Variants in STAG1 observed in about 807,000 individuals in gnomAD.
STAG1 encodes the protein cohesin subunit SA-1.
A neutral mutation model predicts 170.9 loss-of-function variants in STAG1; 26 were observed. The ratio of observed to expected loss-of-function variants is 0.15; its 90% confidence interval spans 0.11 to 0.21. The LOEUF is 0.21. STAG1 is among the 10% of genes least tolerant of loss of function. The probability of loss-of-function intolerance (pLI) is 1.00; values close to 1 mark genes in which losing one functional copy is unlikely to be tolerated. For missense variants in STAG1, 964 were observed against 1,509.5 expected (o/e 0.64, Z 5.99); for synonymous variants, 514 against 497.7 (o/e 1.03, Z -0.44).
chr3:136,475,451 G>C (rs2089725925), intron 10 of STAG1, among the ~76,000 whole-genome samples: 1 of 152,046 alleles, frequency 6.6e-6, no homozygotes, highest in Non-Finnish European at 1.5e-5. Flanking sequence ...CCAGCCAACA[G>C]GTTACTCTTG....
At position 136,384,408 on chromosome 3, in the gene STAG1, C is replaced by T. The variant is rs544651856; in HGVS notation, c.2278-6656G>A. Among the ~76,000 whole-genome samples, 4 of 151,240 alleles carry T rather than the reference C, an allele frequency of 2.6e-5. No homozygotes were observed. The East Asian group carries it at 7.8e-4, about 29-fold the overall frequency. On this transcript the variant is annotated intron_variant, in intron 22 of 33. Coordinates refer to ENST00000383202, the MANE Select transcript of STAG1 (RefSeq NM_005862.3). ...TAGGTTACAGAGAGCAAAGACTGCA[C>T]CATTGCACTCCAGCCTCGGCAACAG...
chr3:136,377,584 A>G, intron 23 of STAG1, 76 bp downstream of exon 23: 1 of 1,277,258 alleles, frequency 7.8e-7, no homozygotes. Context: ...AACTGCCATA[A>G]AAAATTGTAT....
At chr3:136,625,978 G>C (rs553529377) in intron 2 of STAG1, among the ~76,000 whole-genome samples, 2 of 150,394 alleles carry the variant, frequency 1.3e-5, no homozygotes, top group Non-Finnish European at 3.0e-5. Context: ...GCTTGAACCC[G>C]GGAGATGGAC....
chr3:136,578,990 A>C (rs1190628109), intron 4 of STAG1, among the ~76,000 whole-genome samples: 1 of 152,246 alleles, frequency 6.6e-6, no homozygotes, highest in Non-Finnish European at 1.5e-5. Flanking sequence ...TAAACACTAC[A>C]TCCCTGGGAA....
At chr3:136,683,451 C>T (rs7637129) in intron 1 of STAG1, among the ~76,000 whole-genome samples, 99,568 of 151,864 alleles carry the variant, frequency 0.66, 34,942 homozygotes, top group African/African-American at 0.9. Flanking sequence ...TTTTGTAGAG[C>T]TGGGGTTTTG....
At chr3:136,695,133 AT>A (rs1251827948) in intron 1 of STAG1, among the ~76,000 whole-genome samples, 1 of 152,170 alleles carries the variant, frequency 6.6e-6, no homozygotes, top group African/African-American at 2.4e-5. Flanking sequence ...AGGAAAACAA[AT>A]TTAGGAAGGT....
At chr3:136,586,812 G>T (rs1937853704) in intron 4 of STAG1, 1 of 456,260 alleles carries the variant, frequency 2.2e-6, no homozygotes, top group Admixed American at 2.4e-5. Flanking sequence ...CTGAGTATGT[G>T]GTAAGTTCCC....
chr3:136,732,125 CAGTT>C (rs979821765), intron 1 of STAG1, among the ~76,000 whole-genome samples: 1 of 151,466 alleles, frequency 6.6e-6, no homozygotes, highest in South Asian at 2.1e-4. Flanking sequence ...CAAAGACACA[CAGTT>C]AGTGGCAGAG....
At position 136,498,255 on chromosome 3, in the gene STAG1, C is replaced by CACATACATATACAT. The variant is rs1413848905; in HGVS notation, c.902+1967_902+1968insATGTATATGTATGT. Among the ~76,000 whole-genome samples, 13 of 78,400 alleles carry CACATACATATACAT rather than the reference C, an allele frequency of 1.7e-4. 3 individuals carry two copies. In the East Asian group the frequency reaches 6.9e-3, roughly 42 times the overall value. 51.4% of individuals were successfully genotyped at this position (78,400 alleles called of 152,430 possible). ...ATATACACATACATATACATACACA[C>CACATACATATACAT]ACACACACACACACACACCACACAC... is the stretch of plus-strand genomic sequence containing the variant. On this transcript the variant is annotated intron_variant, in intron 9 of 33. Transcript: ENST00000383202.
At chr3:136,371,771 G>C (rs1229190267) in intron 23 of STAG1, among the ~76,000 whole-genome samples, 1 of 152,154 alleles carries the variant, frequency 6.6e-6, no homozygotes, top group East Asian at 1.9e-4. Context: ...TTGTAGTATA[G>C]TTTGAAGTCA....
chr3:136,654,989 T>G (rs1941329020), intron 1 of STAG1, among the ~76,000 whole-genome samples: 1 of 152,124 alleles, frequency 6.6e-6, no homozygotes, highest in Admixed American at 6.6e-5. Context: ...AAAAGTTAAC[T>G]CAAATGGATC....
intron 1 of STAG1, among the ~76,000 whole-genome samples, chr3:136,698,398 C>T (rs1050581274): frequency 1.3e-5 from 2 of 152,170 alleles, no homozygotes; most frequent in Non-Finnish European, 2.9e-5. Context: ...AAATGCTCAA[C>T]ATCACTAATC....
intron 1 of STAG1, among the ~76,000 whole-genome samples, chr3:136,664,031 A>G (rs1341964329): frequency 6.6e-6 from 1 of 152,184 alleles, no homozygotes; most frequent in Non-Finnish European, 1.5e-5. Flanking sequence ...CAAATGACTT[A>G]GCCAACTAGG....
At chr3:136,633,052 G>A (rs925306204) in intron 1 of STAG1, among the ~76,000 whole-genome samples, 1 of 152,046 alleles carries the variant, frequency 6.6e-6, no homozygotes, top group Non-Finnish European at 1.5e-5. Flanking sequence ...GATGACTATA[G>A]ATTTTAACAG....
intron 1 of STAG1, among the ~76,000 whole-genome samples, chr3:136,649,140 C>T (rs746420292): frequency 6.6e-6 from 1 of 152,140 alleles, no homozygotes; most frequent in Non-Finnish European, 1.5e-5. Flanking sequence ...TATACTATTT[C>T]CTCCCTGAAA....
intron 1 of STAG1, among the ~76,000 whole-genome samples, chr3:136,648,592 T>A (rs541751712): frequency 1.3e-5 from 2 of 152,200 alleles, no homozygotes; most frequent in Non-Finnish European, 2.9e-5. Flanking sequence ...AATTTAAGAT[T>A]ATGTGTTTTA....
chr3:136,628,775 T>C (rs1940211229), intron 2 of STAG1, among the ~76,000 whole-genome samples: 1 of 152,202 alleles, frequency 6.6e-6, no homozygotes. Context: ...GCTCTACATG[T>C]TATATCTACC....
intron 1 of STAG1, among the ~76,000 whole-genome samples, chr3:136,705,220 C>T (rs1301363746): frequency 6.6e-6 from 1 of 151,992 alleles, no homozygotes; most frequent in Non-Finnish European, 1.5e-5. Flanking sequence ...CTAAAAAATA[C>T]AAAAAATTAG....
Position 136,349,285 on chromosome 3 carries a change from A to G in STAG1, c.3144T>C (p.Tyr1048=). ...REDVWLPLIS[Y]RNSLVTGGED... is the part of the protein sequence containing the mutation. ...CACCCCCAGTGACTAATGAATTTCT[A>G]TAGGAGATGAGTGGAAGCCATACAT... is the stretch of plus-strand genomic sequence containing the variant. The change falls in exon 29 of 34, where the codon TAT becomes TAC. Residue 1048 remains tyrosine (Y), a synonymous_variant. Coordinates refer to ENST00000383202, the MANE Select transcript of STAG1 (RefSeq NM_005862.3). The G allele has an allele frequency of 6.2e-7, 1 of 1,614,036 alleles. No homozygotes were observed. Among genetic ancestry groups the G allele is most frequent in the African/African-American group, 1.3e-5 (1 of 75,052 alleles).
Sources: allele counts gnomAD v4.1 joint callset (sites outside exome capture counted in the v4.1 genomes callset), GRCh38; gene constraint gnomAD v4.1.1; transcripts MANE v1.5; gene names NCBI Gene and HGNC (gene_info 2026-07-23, HGNC 2026-07-21).